The following ATP6V1H variants were observed in gnomAD, a reference collection of about 807,000 sequenced individuals.
ATP6V1H encodes V-type proton ATPase subunit H.
Under a neutral mutation model 71.7 loss-of-function variants are expected in ATP6V1H, and 39 were observed. The observed-to-expected ratio is 0.54, with a 90% confidence interval of 0.42 to 0.71. The LOEUF (loss-of-function observed/expected upper bound fraction) is 0.71, where lower values mean the gene tolerates loss of function less well. ATP6V1H is among the 30% of genes least tolerant of loss of function. The probability of loss-of-function intolerance (pLI) is 0.00; values close to 1 mark genes in which losing one functional copy is unlikely to be tolerated. For missense variants in ATP6V1H, 509 were observed against 594.9 expected (o/e 0.86, Z 1.50); for synonymous variants, 192 against 199.3 (o/e 0.96, Z 0.31).
intron 13 of ATP6V1H, among the ~76,000 whole-genome samples, chr8:53,737,775 T>C (rs1325889296): frequency 6.6e-6 from 1 of 152,254 alleles, no homozygotes; most frequent in Non-Finnish European, 1.5e-5. Flanking sequence ...GCTGCACTGC[T>C]GCACAATTCT....
chr8:53,838,186 T>C (rs1324938273), intron 2 of ATP6V1H, among the ~76,000 whole-genome samples: 2 of 151,126 alleles, frequency 1.3e-5, no homozygotes, highest in African/African-American at 2.4e-5. Flanking sequence ...AGTGCAGTGG[T>C]GCAACCTCGG....
At chr8:53,721,005 T>C (rs1385831319) in intron 13 of ATP6V1H, among the ~76,000 whole-genome samples, 4 of 152,256 alleles carry the variant, frequency 2.6e-5, no homozygotes, top group Non-Finnish European at 5.9e-5. Flanking sequence ...TTACCTATCC[T>C]GTTGTGGAAA....
chr8:53,723,319 T>C (rs1384730183), intron 13 of ATP6V1H, among the ~76,000 whole-genome samples: 1 of 152,160 alleles, frequency 6.6e-6, no homozygotes, highest in Non-Finnish European at 1.5e-5. Context: ...CTCCTCCATA[T>C]ACTGAATCTC....
intron 7 of ATP6V1H, among the ~76,000 whole-genome samples, chr8:53,804,180 A>C (rs1387956768): frequency 6.6e-6 from 1 of 152,238 alleles, no homozygotes; most frequent in Non-Finnish European, 1.5e-5. Flanking sequence ...TATAGAGAGA[A>C]ACAGCACTGG....
intron 9 of ATP6V1H, among the ~76,000 whole-genome samples, chr8:53,784,117 A>G (rs1168472204): frequency 6.6e-6 from 1 of 152,152 alleles, no homozygotes; most frequent in African/African-American, 2.4e-5. Context: ...TGTCTAGTAG[A>G]TCTGTCTAAT....
chr8:53,726,872 C>T (rs549599706), intron 13 of ATP6V1H, among the ~76,000 whole-genome samples: 18 of 152,240 alleles, frequency 1.2e-4, no homozygotes, highest in African/African-American at 4.3e-4. Flanking sequence ...GGCTCTGCTT[C>T]GTCCCCACTA....
intron 12 of ATP6V1H, among the ~76,000 whole-genome samples, chr8:53,751,218 G>C (rs180926784): frequency 6.6e-6 from 1 of 152,306 alleles, no homozygotes; most frequent in East Asian, 1.9e-4. Flanking sequence ...GAAGTGCTGA[G>C]GTAGACTTCC....
intron 9 of ATP6V1H, among the ~76,000 whole-genome samples, chr8:53,784,408 C>T (rs1180440261): frequency 6.6e-6 from 1 of 152,102 alleles, no homozygotes; most frequent in African/African-American, 2.4e-5. Flanking sequence ...TCCTCCATCC[C>T]TTTATTTTGA....
At chr8:53,743,905 G>GTTCTCAT (rs1563445434) in intron 12 of ATP6V1H, among the ~76,000 whole-genome samples, 1 of 152,088 alleles carries the variant, frequency 6.6e-6, no homozygotes, top group African/African-American at 2.4e-5. Flanking sequence ...TCCAACAGTT[G>GTTCTCAT]TTCTCATTTC....
intron 7 of ATP6V1H, among the ~76,000 whole-genome samples, chr8:53,805,036 A>G (rs1210378394): frequency 6.6e-6 from 1 of 152,218 alleles, no homozygotes; most frequent in Non-Finnish European, 1.5e-5. Context: ...GAACTGCAAA[A>G]TAAGTATGCA....
intron 12 of ATP6V1H, among the ~76,000 whole-genome samples, chr8:53,745,294 G>A (rs1312023604): frequency 6.6e-6 from 1 of 152,086 alleles, no homozygotes; most frequent in Non-Finnish European, 1.5e-5. Flanking sequence ...CCAGCTACTT[G>A]AGAGGCTGAG....
At chr8:53,751,122 C>T (rs994747302) in intron 12 of ATP6V1H, among the ~76,000 whole-genome samples, 15 of 152,176 alleles carry the variant, frequency 9.9e-5, no homozygotes, top group African/African-American at 3.6e-4. Context: ...CACTTACCCA[C>T]TGCATGACTC....
intron 8 of ATP6V1H, among the ~76,000 whole-genome samples, chr8:53,799,600 AT>A (rs1404995775): frequency 4.5e-4 from 69 of 152,300 alleles, no homozygotes; most frequent in Admixed American, 8.5e-4. Flanking sequence ...AAACTAAACC[AT>A]TTGTACAAAC....
At chr8:53,799,180 A>G (rs1809835152) in intron 8 of ATP6V1H, among the ~76,000 whole-genome samples, 1 of 152,106 alleles carries the variant, frequency 6.6e-6, no homozygotes, top group South Asian at 2.1e-4. Flanking sequence ...ATTCTGCCAA[A>G]CAATTCTACT....
chr8:53,836,669 G>A (rs1811167990), intron 2 of ATP6V1H, among the ~76,000 whole-genome samples: 1 of 152,152 alleles, frequency 6.6e-6, no homozygotes, highest in Non-Finnish European at 1.5e-5. Flanking sequence ...CCTACTACCA[G>A]GCGGCCTTCT....
chr8:53,841,034 C>CAACA (rs1353648362), intron 2 of ATP6V1H, among the ~76,000 whole-genome samples: 1 of 152,162 alleles, frequency 6.6e-6, no homozygotes, highest in African/African-American at 2.4e-5. Context: ...ATTATTTCAG[C>CAACA]AACAAGCCTG....
chr8:53,792,475 TACACAGGGCTTA>T (rs1172053504), intron 9 of ATP6V1H, among the ~76,000 whole-genome samples: 1 of 152,168 alleles, frequency 6.6e-6, no homozygotes, highest in African/African-American at 2.4e-5. Context: ...AGCCAGGAAA[TACACAGGGCTTA>T]ACACATCCAG....
rs552146299 is a variant in ATP6V1H at position 53,761,173 on chromosome 8, A to C, written c.1176-4517T>G. 8.1e-3 allele frequency among the ~76,000 whole-genome samples: 1,238 copies of C among 151,992 alleles called. 2 individuals carry two copies. The highest frequency in any genetic ancestry group is 0.015 in the South Asian group (74 of 4,810). ...AACACGGTGAAACCCTGTCTCTACT[A>C]AAAAATAGAAAAAATTAGCTGGGTG... On this transcript the variant is annotated intron_variant, in intron 11 of 13. Coordinates refer to ENST00000359530, the MANE Select transcript of ATP6V1H (RefSeq NM_015941.4).
intron 7 of ATP6V1H, among the ~76,000 whole-genome samples, chr8:53,808,692 T>C (rs1335995056): frequency 6.6e-6 from 1 of 151,076 alleles, no homozygotes; most frequent in Non-Finnish European, 1.5e-5. Flanking sequence ...TTGGTGGTGG[T>C]GGTTGGGCTG....
Sources: allele counts gnomAD v4.1 joint callset (sites outside exome capture counted in the v4.1 genomes callset), GRCh38; gene constraint gnomAD v4.1.1; transcripts MANE v1.5; gene names NCBI Gene and HGNC (gene_info 2026-07-23, HGNC 2026-07-21).